NFKB1: variants seen among roughly 807,000 people sequenced by gnomAD.
NFKB1 encodes the protein nuclear factor kappa B subunit 1.
In NFKB1, 9 loss-of-function variants were observed where a neutral mutation model predicts 105.1. That is an observed-to-expected ratio of 0.09 (90% CI 0.05 to 0.15). The LOEUF is 0.15. Among genes scored for constraint, NFKB1 ranks in the 10% least tolerant of loss-of-function variants. NFKB1 has a pLI of 1.00. For synonymous variants in NFKB1, 440 were observed against 442.2 expected, an observed-to-expected ratio of 1.00 and a Z score of 0.06; for missense variants, 830 against 1,203.7, an observed-to-expected ratio of 0.69 and a Z score of 4.59.
chr4:102,507,693 A>G (rs1739519943), intron 1 of NFKB1, among the ~76,000 whole-genome samples: 1 of 152,194 alleles, frequency 6.6e-6, no homozygotes, highest in South Asian at 2.1e-4. Context: ...GACCTGCATA[A>G]AGTTGAGCAT....
In NFKB1 at chr4:102,502,390, G is replaced by GCGCA. The variant is rs1311577382; in HGVS notation, c.-8+603_-8+604insGCAC. Among the ~76,000 whole-genome samples, 833 of 105,368 alleles carry GCGCA rather than the reference G, an allele frequency of 7.9e-3. 14 individuals are homozygous for GCGCA. Among genetic ancestry groups the GCGCA allele is most frequent in the African/African-American group, 0.028 (671 of 23,992 alleles). 69.1% of individuals were successfully genotyped at this position (105,368 alleles called of 152,430 possible). ...CCCCCCTCCGTGCGCGCGCGCGCGC[G>GCGCA]CACACACACACACACACACACACAC... On this transcript the variant is annotated intron_variant, in intron 1 of 23. Coordinates refer to ENST00000226574, the MANE Select transcript of NFKB1 (RefSeq NM_003998.4).
intron 5 of NFKB1, among the ~76,000 whole-genome samples, chr4:102,546,241 T>C (rs1195997627): frequency 2.0e-5 from 3 of 152,146 alleles, no homozygotes; most frequent in Admixed American, 6.6e-5. Flanking sequence ...TTAAAGAAGA[T>C]TGGTTAACAC....
chr4:102,538,432 T>C (rs1741779753), intron 5 of NFKB1, among the ~76,000 whole-genome samples: 1 of 152,224 alleles, frequency 6.6e-6, no homozygotes, highest in South Asian at 2.1e-4. Flanking sequence ...AGTCTCTTAA[T>C]GTATAAAATA....
chr4:102,595,052 C>A, intron 13 of NFKB1, 71 bp downstream of exon 13: 2 of 950,396 alleles, frequency 2.1e-6, no homozygotes, highest in Non-Finnish European at 3.3e-6. Context: ...TTTTTAAAAT[C>A]ATTACTTATC....
rs1424901760 is a variant in NFKB1, at chr4:102,616,627, A to G, written c.*33A>G. The G allele has an allele frequency of 3.7e-6, 6 of 1,604,038 alleles. No homozygotes were observed. Among genetic ancestry groups the G allele is most frequent in the South Asian group, 2.2e-5 (2 of 90,124 alleles). ...ACAATTTCCCACACCGTGTAAACCA[A>G]AGCCCTAAAATTCCACTGCGTTGTC... On this transcript the variant is annotated 3_prime_UTR_variant, in exon 24 of 24. Coordinates refer to ENST00000226574, the MANE Select transcript of NFKB1 (RefSeq NM_003998.4).
chr4:102,576,845 G>C, intron 6 of NFKB1, 31 bp from the exon 7 acceptor site: 1 of 1,578,706 alleles, frequency 6.3e-7, no homozygotes, highest in Non-Finnish European at 8.6e-7. Flanking sequence ...TTTGGTTGTT[G>C]TTGCTGCTGC....
chr4:102,555,084 T>G lies in NFKB1; in HGVS notation c.259-11903T>G, dbSNP rs148148003. ...TTTCAAGCAGAGGAGTTAGTAAAAT[T>G]CCAAAAGTTAATCAGCTTCATGTAC... On this transcript the variant is annotated intron_variant, in intron 5 of 23. Transcript: ENST00000226574. Among the ~76,000 whole-genome samples, 120 of 152,208 alleles carry G rather than the reference T, an allele frequency of 7.9e-4. 1 individual carries two copies. The highest frequency in any genetic ancestry group is 3.4e-3 in the Middle Eastern group (1 of 294).
chr4:102,584,780 T>C lies in NFKB1; in HGVS notation c.1026T>C (p.Thr342=). Reference sequence around the variant, plus strand: ...TTCGGAGGAAATCTGACTTGGAAACTAGTGAACCAAAACCTTTCCTCTACT... The same window carrying C: ...TTCGGAGGAAATCTGACTTGGAAACCAGTGAACCAAAACCTTTCCTCTACT... The part of the protein sequence containing the change: ...VQLRRKSDLE[T]SEPKPFLYYP... The change falls in exon 11 of 24, where the codon ACT becomes ACC. Residue 342 remains threonine (T), a synonymous_variant. Coordinates refer to ENST00000226574, the MANE Select transcript of NFKB1 (RefSeq NM_003998.4). 6.2e-7 allele frequency: 1 copy of C among 1,613,040 alleles called. No individual in the cohort carries two copies. The highest frequency in any genetic ancestry group is 1.1e-5 in the South Asian group (1 of 90,974).
intron 5 of NFKB1, 92 bp from the exon 6 acceptor site, chr4:102,566,895 G>T: frequency 1.5e-6 from 2 of 1,332,378 alleles, no homozygotes; most frequent in Non-Finnish European, 2.1e-6. Flanking sequence ...ACTTTATATT[G>T]TACTTTTTAT....
intron 11 of NFKB1, among the ~76,000 whole-genome samples, chr4:102,585,611 G>A (rs1725646477): frequency 6.6e-6 from 1 of 152,122 alleles, no homozygotes; most frequent in Admixed American, 6.5e-5. Context: ...TTAAGAAAGG[G>A]CACTCATAGG....
chr4:102,578,851 G>T (rs1223822837), intron 7 of NFKB1, 30 bp from the exon 8 acceptor site: 2 of 1,597,114 alleles, frequency 1.3e-6, no homozygotes, highest in Admixed American at 3.4e-5. Context: ...ACTTCCCTGG[G>T]CATGAATGGA....
At chr4:102,516,600 G>T (rs188960366) in intron 1 of NFKB1, among the ~76,000 whole-genome samples, 68 of 151,708 alleles carry the variant, frequency 4.5e-4, no homozygotes, top group East Asian at 1.7e-3. Flanking sequence ...AGAAAGGTAT[G>T]CATTTCTTTG....
At chr4:102,531,935 T>C (rs867372760) in intron 3 of NFKB1, among the ~76,000 whole-genome samples, 2 of 152,242 alleles carry the variant, frequency 1.3e-5, no homozygotes, top group Non-Finnish European at 2.9e-5. Context: ...ACTGTCTTGA[T>C]ATGTTCTTTC....
intron 22 of NFKB1, 119 bp from the exon 23 acceptor site, chr4:102,613,306 C>T: frequency 2.0e-6 from 2 of 1,022,136 alleles, no homozygotes; most frequent in Non-Finnish European, 2.9e-6. Context: ...TTTCCATTTC[C>T]TCCTGGCTCC....
At chr4:102,579,077 T>C in intron 8 of NFKB1, 38 bp downstream of exon 8, 1 of 1,595,182 alleles carries the variant, frequency 6.3e-7, no homozygotes, top group Non-Finnish European at 8.6e-7. Context: ...ACACCAAGAA[T>C]AGACTTCCAG....
chr4:102,610,957 C>A (rs1361406362), intron 20 of NFKB1, among the ~76,000 whole-genome samples: 1 of 152,122 alleles, frequency 6.6e-6, no homozygotes, highest in Non-Finnish European at 1.5e-5. Flanking sequence ...AAGAAAAACA[C>A]AAAATTCACA....
chr4:102,518,670 G>A (rs998299615), intron 1 of NFKB1, among the ~76,000 whole-genome samples: 2 of 152,028 alleles, frequency 1.3e-5, no homozygotes, highest in African/African-American at 4.8e-5. Context: ...AGTTCATCTG[G>A]CCTGGCCTGC....
At chr4:102,600,684 A>T (rs1727071783) in intron 15 of NFKB1, among the ~76,000 whole-genome samples, 1 of 152,226 alleles carries the variant, frequency 6.6e-6, no homozygotes, top group Admixed American at 6.5e-5. Context: ...CAAATAACGT[A>T]GCAGCCTTGG....
intron 2 of NFKB1, 22 bp from the exon 3 acceptor site, chr4:102,529,814 A>G (rs369508947): frequency 4.1e-5 from 63 of 1,521,056 alleles, no homozygotes; most frequent in Non-Finnish European, 5.5e-5. Context: ...TGATTGAAAC[A>G]TTTAAATGTT....
Sources: gnomAD v4.1 joint callset for allele counts (sites outside exome capture counted in the v4.1 genomes callset) on GRCh38, gnomAD v4.1.1 for gene constraint, MANE v1.5 for transcripts, NCBI Gene and HGNC (gene_info 2026-07-23, HGNC 2026-07-21) for gene names.